Variants in CPA6 observed in about 807,000 individuals in gnomAD.
The protein encoded by CPA6 is carboxypeptidase B.
A neutral mutation model predicts 63.3 loss-of-function variants in CPA6; 58 were observed. That is an observed-to-expected ratio of 0.92 (90% CI 0.74 to 1.14). CPA6 has a LOEUF of 1.14. Ranked by LOEUF, CPA6 falls within the 50% of genes most tolerant of loss-of-function variation. CPA6 has a pLI of 0.00. For missense variants in CPA6, 565 were observed against 526.6 expected (o/e 1.07, Z -0.71); for synonymous variants, 185 against 179.0 (o/e 1.03, Z -0.27).
chr8:67,455,912 G>C (rs1271778846), intron 8 of CPA6, among the ~76,000 whole-genome samples: 1 of 151,844 alleles, frequency 6.6e-6, no homozygotes, highest in African/African-American at 2.4e-5. Flanking sequence ...ATGGGGTCTT[G>C]CCATATTATC....
chr8:67,509,668 GC>G, intron 4 of CPA6, 50 bp from the exon 5 acceptor site: 1 of 898,000 alleles, frequency 1.1e-6, no homozygotes, highest in South Asian at 1.7e-5. Flanking sequence ...AAATAATGGA[GC>G]TTTTAGAGAA....
intron 1 of CPA6, among the ~76,000 whole-genome samples, chr8:67,726,493 T>C (rs1028224288): frequency 2.0e-5 from 3 of 152,120 alleles, no homozygotes; most frequent in Non-Finnish European, 2.9e-5. Context: ...TGGCAAATAT[T>C]TTTTCTGGAA....
chr8:67,549,880 T>C (rs1156654761), intron 2 of CPA6, among the ~76,000 whole-genome samples: 4 of 152,256 alleles, frequency 2.6e-5, no homozygotes, highest in East Asian at 1.9e-4. Context: ...CTATGTCCAT[T>C]ATTCCATCAA....
intron 1 of CPA6, among the ~76,000 whole-genome samples, chr8:67,733,763 C>A (rs756279135): frequency 2.8e-4 from 28 of 101,216 alleles, no homozygotes; most frequent in Non-Finnish European, 4.5e-4. Flanking sequence ...GAGTGGGGGG[C>A]GGTGGGGGCG....
intron 8 of CPA6, among the ~76,000 whole-genome samples, chr8:67,453,330 T>C (rs190253921): frequency 7.1e-4 from 108 of 152,242 alleles, no homozygotes; most frequent in Middle Eastern, 3.4e-3. Context: ...ATGTTAAAGA[T>C]TGATCCATGG....
intron 2 of CPA6, among the ~76,000 whole-genome samples, chr8:67,586,581 G>C (rs542353222): frequency 1.6e-4 from 24 of 152,282 alleles, no homozygotes; most frequent in Admixed American, 1.4e-3. Context: ...ATGATAATTA[G>C]GGTAGGAACT....
intron 6 of CPA6, 37 bp from the exon 7 acceptor site, chr8:67,484,826 TCCCC>T: frequency 1.7e-6 from 2 of 1,204,650 alleles, no homozygotes; most frequent in Admixed American, 1.8e-5. Context: ...TTTAAATTGG[TCCCC>T]AAAAGAGGAA....
chr8:67,511,410 T>C, intron 4 of CPA6, 131 bp downstream of exon 4: 1 of 637,136 alleles, frequency 1.6e-6, no homozygotes, highest in Non-Finnish European at 2.8e-6. Context: ...GCTACATATA[T>C]TCTTCACATA....
intron 2 of CPA6, among the ~76,000 whole-genome samples, chr8:67,598,903 GT>G (rs5892086): frequency 0.087 from 13,120 of 150,298 alleles, 988 homozygotes; most frequent in African/African-American, 0.2. Context: ...TCCTTTAAGT[GT>G]TTTTTTTTAA....
intron 2 of CPA6, among the ~76,000 whole-genome samples, chr8:67,581,569 C>A (rs934509220): frequency 1.3e-5 from 2 of 152,144 alleles, no homozygotes; most frequent in African/African-American, 4.8e-5. Flanking sequence ...TTGAATTATA[C>A]TACAAGAGCA....
At chr8:67,737,219 A>C (rs1817829722) in intron 1 of CPA6, among the ~76,000 whole-genome samples, 1 of 152,166 alleles carries the variant, frequency 6.6e-6, no homozygotes, top group South Asian at 2.1e-4. Context: ...CCCTCAGAGA[A>C]AGATGCCTTC....
At chr8:67,518,146 C>A in intron 2 of CPA6, 99 bp from the exon 3 acceptor site, 2 of 1,156,688 alleles carry the variant, frequency 1.7e-6, no homozygotes, top group Admixed American at 2.8e-5. Context: ...TATAGTAACA[C>A]CAAACATATT....
intron 1 of CPA6, among the ~76,000 whole-genome samples, chr8:67,716,499 C>A (rs1436039187): frequency 6.6e-6 from 1 of 151,892 alleles, no homozygotes; most frequent in Non-Finnish European, 1.5e-5. Flanking sequence ...AATTTACATG[C>A]GAGAGGAAGG....
chr8:67,602,828 A>G (rs1814530511), intron 2 of CPA6, among the ~76,000 whole-genome samples: 1 of 152,240 alleles, frequency 6.6e-6, no homozygotes, highest in Non-Finnish European at 1.5e-5. Context: ...GACAAAGTCC[A>G]TCATAAATAC....
intron 2 of CPA6, among the ~76,000 whole-genome samples, chr8:67,599,898 G>A (rs1359343169): frequency 6.6e-6 from 1 of 152,006 alleles, no homozygotes; most frequent in Non-Finnish European, 1.5e-5. Context: ...GTAGTATGTC[G>A]AGTATAAAAT....
intron 2 of CPA6, among the ~76,000 whole-genome samples, chr8:67,575,481 C>T (rs1233689672): frequency 6.6e-6 from 1 of 152,178 alleles, no homozygotes; most frequent in Non-Finnish European, 1.5e-5. Context: ...ACAGAATCAA[C>T]CTAAGTGTCC....
chr8:67,481,408 T>G (rs1011995651), intron 8 of CPA6, among the ~76,000 whole-genome samples: 2 of 152,208 alleles, frequency 1.3e-5, no homozygotes, highest in Non-Finnish European at 2.9e-5. Flanking sequence ...ACCAGTGATA[T>G]TCATCTTATG....
At position 67,422,664 on chromosome 8, in the gene CPA6, C is replaced by T. The variant is rs1324329627; in HGVS notation, c.1154G>A (p.Trp385Ter). 1 of 1,612,580 alleles carries T rather than the reference C, an allele frequency of 6.2e-7. No individual in the cohort carries two copies. Among genetic ancestry groups the T allele is most frequent in the Admixed American group, 1.7e-5 (1 of 59,866 alleles). ...LYVSSGSSMD[W>*]AYKNGIPYAF... Reference sequence around the variant, plus strand: ...ATAAGGTATTCCATTTTTGTAGGCCCAATCCATTGAGCTACCAGAGCTCAC... The same window carrying T: ...ATAAGGTATTCCATTTTTGTAGGCCTAATCCATTGAGCTACCAGAGCTCAC... The change falls in exon 11 of 11, where the codon TGG (tryptophan) becomes TAG (stop). Residue 385 changes from tryptophan (W) to a stop codon, truncating the protein, a stop_gained. Coordinates refer to ENST00000297770, the MANE Select transcript of CPA6 (RefSeq NM_020361.5). LOFTEE classifies it high-confidence loss of function.
At chr8:67,470,110 G>A (rs557169247) in intron 8 of CPA6, among the ~76,000 whole-genome samples, 43 of 148,892 alleles carry the variant, frequency 2.9e-4, no homozygotes, top group African/African-American at 1.0e-3. Flanking sequence ...TCACTGCAAC[G>A]TCCACTCCCA....
Sources: allele counts gnomAD v4.1 joint callset (sites outside exome capture counted in the v4.1 genomes callset), GRCh38; gene constraint gnomAD v4.1.1; transcripts MANE v1.5; gene names NCBI Gene and HGNC (gene_info 2026-07-23, HGNC 2026-07-21).